The following SNX14 variants were observed in gnomAD, a reference collection of about 807,000 sequenced individuals.
The protein encoded by SNX14 is sorting nexin-14.
Under a neutral mutation model 133.8 loss-of-function variants are expected in SNX14, and 93 were observed. That is an observed-to-expected ratio of 0.70 (90% confidence interval 0.59 to 0.83). The LOEUF is 0.83. SNX14 is among the 40% of genes least tolerant of loss of function. SNX14 has a pLI of 0.00. For missense variants in SNX14, 945 were observed against 1,094.9 expected (o/e 0.86, Z 1.93); for synonymous variants, 368 against 365.6 (o/e 1.01, Z -0.07).
Position 85,505,829 on chromosome 6 carries a change from T to A in SNX14, c.*138A>T. On this transcript the variant is annotated 3_prime_UTR_variant, in exon 29 of 29. Transcript: ENST00000314673. ...TTAATCATTAAGTTTGTGTTAGTCTTTATTAAAAACAAAAAATAACTAAAA... is the reference window on the plus strand; with the variant it reads ...TTAATCATTAAGTTTGTGTTAGTCTATATTAAAAACAAAAAATAACTAAAA... 3.1e-6 allele frequency: 2 copies of A among 644,154 alleles called. No homozygotes were observed. Among genetic ancestry groups the A allele is most frequent in the Non-Finnish European group, 5.4e-6 (2 of 368,792 alleles). 39.9% of individuals were successfully genotyped at this position (644,154 alleles called of 1,614,324 possible). A position where few individuals can be genotyped will look rare whatever the true frequency, so the allele number is the denominator to read the frequency against.
At chr6:85,531,482 C>G (rs1005732456) in intron 18 of SNX14, among the ~76,000 whole-genome samples, 2 of 152,188 alleles carry the variant, frequency 1.3e-5, no homozygotes, top group Non-Finnish European at 2.9e-5. Context: ...AACAACACTT[C>G]TTTCTATTTA....
intron 28 of SNX14, among the ~76,000 whole-genome samples, chr6:85,506,224 A>T (rs1052868527): frequency 2.6e-5 from 4 of 152,196 alleles, no homozygotes; most frequent in African/African-American, 9.7e-5. Context: ...ACAGAGCTAA[A>T]GGTTTCCTGT....
chr6:85,508,517 G>T, intron 26 of SNX14: 1 of 349,214 alleles, frequency 2.9e-6, no homozygotes, highest in Non-Finnish European at 4.0e-6. Context: ...GCAGAAGATA[G>T]CTTCTACTTT....
In SNX14 at chr6:85,558,019, TG is replaced by T; in HGVS notation, c.590del (p.Ala197GlufsTer3). On this transcript the variant is annotated frameshift_variant, in exon 7 of 29. Coordinates refer to ENST00000314673, the MANE Select transcript of SNX14 (RefSeq NM_153816.6). LOFTEE classifies it high-confidence loss of function. Reference protein sequence around the residue: ...PSIITKKLLKAAMKHIEVIVK... With the variant: ...PSIITKKLLKXAMKHIEVIVK... Reference sequence around the variant, plus strand: ...CTATCACTTCTATATGCTTCATTGCTGCTTTTAATAGTTTCTTGGTTATAAT... The same window carrying T: ...CTATCACTTCTATATGCTTCATTGCTCTTTTAATAGTTTCTTGGTTATAAT... 1 of 1,594,964 alleles carries T rather than the reference TG, an allele frequency of 6.3e-7. No individual in the cohort carries two copies.
Position 85,543,588 on chromosome 6 carries a change from T to C in SNX14, c.1264+17A>G. The stretch of plus-strand genomic sequence containing the variant: ...GTAAGAGTGCTAAATAAGTCATTCT[T>C]ATCGTCTTTGACTTACTTCTTTGAA... On this transcript the variant is annotated intron_variant, in intron 13 of 28. Transcript: ENST00000314673. The C allele has an allele frequency of 1.3e-6, 2 of 1,552,154 alleles. No homozygotes were observed. The highest frequency in any genetic ancestry group is 1.7e-6 in the Non-Finnish European group (2 of 1,143,746).
chr6:85,586,355 A>G (rs921919787), intron 1 of SNX14, among the ~76,000 whole-genome samples: 5 of 152,264 alleles, frequency 3.3e-5, no homozygotes, highest in African/African-American at 1.2e-4. Context: ...AACACTTTAC[A>G]GAAAAAAATG....
chr6:85,586,310 A>G (rs117278734), intron 1 of SNX14, among the ~76,000 whole-genome samples: 2 of 152,242 alleles, frequency 1.3e-5, no homozygotes, highest in Non-Finnish European at 2.9e-5. Flanking sequence ...ACAGAGACTT[A>G]GCATGGTATA....
At chr6:85,510,769 A>G (rs747536662) in intron 26 of SNX14, among the ~76,000 whole-genome samples, 4 of 152,164 alleles carry the variant, frequency 2.6e-5, no homozygotes, top group Non-Finnish European at 4.4e-5. Flanking sequence ...CTTTGCTAAT[A>G]AGAACAGTTG....
In SNX14 at chr6:85,526,470, C is replaced by A. The variant is rs9344533; in HGVS notation, c.1996-233G>T. On this transcript the variant is annotated intron_variant, in intron 20 of 28. Coordinates refer to ENST00000314673, the MANE Select transcript of SNX14 (RefSeq NM_153816.6). ...GGCTCTTCCACATGCTAGCTAAGTG[C>A]CACTAGAAAAGTTCCTAAATTGCCC... Among the ~76,000 whole-genome samples the A allele has an allele frequency of 0.6, 91,213 of 151,922 alleles. 27,653 individuals carry two copies. Among genetic ancestry groups the A allele is most frequent in the Admixed American group, 0.68 (10,382 of 15,274 alleles).
rs976123428 is a variant in SNX14 at position 85,593,452 on chromosome 6, G to T, written c.140+127C>A. On this transcript the variant is annotated intron_variant, in intron 1 of 28. Transcript: ENST00000314673. ...GTGCTCCCCGAGGCCGCTCCTCTGC[G>T]GAGCTCGCTCTCCCCACTGGTCCCC... 5 of 1,384,292 alleles carry T rather than the reference G, an allele frequency of 3.6e-6. No individual in the cohort carries two copies. In the African/African-American group the frequency reaches 7.4e-5, roughly 21 times the overall value. The allele number at this position is 1,384,292 out of a possible 1,614,324, so 85.8% of individuals were successfully genotyped here.
intron 15 of SNX14, among the ~76,000 whole-genome samples, chr6:85,539,810 T>C (rs999884375): frequency 5.9e-5 from 9 of 152,124 alleles, no homozygotes; most frequent in Middle Eastern, 6.8e-3. Context: ...GTCTTTTTTA[T>C]ATTTTAAAGC....
chr6:85,513,390 A>C (rs1482609473), intron 26 of SNX14, among the ~76,000 whole-genome samples: 1 of 152,160 alleles, frequency 6.6e-6, no homozygotes, highest in Non-Finnish European at 1.5e-5. Context: ...CATTTTTTAT[A>C]TGCCTTGCAT....
chr6:85,580,100 A>G (rs546389003), intron 1 of SNX14, among the ~76,000 whole-genome samples: 2 of 152,158 alleles, frequency 1.3e-5, no homozygotes, highest in Admixed American at 6.5e-5. Context: ...GCTTGAGGAG[A>G]GGAGAGGGGA....
intron 2 of SNX14, 74 bp downstream of exon 2, chr6:85,574,184 T>C (rs1180935212): frequency 1.7e-6 from 2 of 1,185,410 alleles, no homozygotes; most frequent in Non-Finnish European, 2.2e-6. Flanking sequence ...TATACTGCTT[T>C]AGCAGGCTTT....
In SNX14 at chr6:85,579,136, T is replaced by TA. The variant is rs533156675; in HGVS notation, c.141-4759dup. On this transcript the variant is annotated intron_variant, in intron 1 of 28. Coordinates refer to ENST00000314673, the MANE Select transcript of SNX14 (RefSeq NM_153816.6). ...CTGGGTGACAGAATGGGACTCCGTC[T>TA]AAAAAAAAAAAGATTTCAGAGGTAA... Among the ~76,000 whole-genome samples the TA allele has an allele frequency of 5.7e-4, 82 of 143,806 alleles. 1 individual carries two copies. The highest frequency in any genetic ancestry group is 1.5e-3 in the African/African-American group (58 of 39,278). The allele number at this position is 143,806 out of a possible 152,430, so 94.3% of individuals were successfully genotyped here. A position where few individuals can be genotyped will look rare whatever the true frequency, so the allele number is the denominator to read the frequency against.
intron 23 of SNX14, among the ~76,000 whole-genome samples, chr6:85,517,299 T>C (rs947572142): frequency 1.3e-5 from 2 of 152,192 alleles, no homozygotes; most frequent in African/African-American, 2.4e-5. Context: ...CTAAACACCT[T>C]CTTGAGGACA....
At chr6:85,519,684 C>A (rs1776183701) in intron 21 of SNX14, among the ~76,000 whole-genome samples, 2 of 152,152 alleles carry the variant, frequency 1.3e-5, no homozygotes, top group South Asian at 4.2e-4. Context: ...GCCTGACCAA[C>A]ATGGTGAAAC....
intron 12 of SNX14, among the ~76,000 whole-genome samples, chr6:85,545,784 A>G (rs1447541576): frequency 6.6e-6 from 1 of 152,134 alleles, no homozygotes; most frequent in Non-Finnish European, 1.5e-5. Context: ...CTCAAGTTCA[A>G]ACAATTCTCC....
At chr6:85,515,131 G>A (rs1774377323) in intron 23 of SNX14, among the ~76,000 whole-genome samples, 1 of 151,884 alleles carries the variant, frequency 6.6e-6, no homozygotes, top group Admixed American at 6.6e-5. Flanking sequence ...GCCAGGTGTA[G>A]TGATGCGTGC....
Sources: gnomAD v4.1 joint callset for allele counts (sites outside exome capture counted in the v4.1 genomes callset) on GRCh38, gnomAD v4.1.1 for gene constraint, MANE v1.5 for transcripts, NCBI Gene and HGNC (gene_info 2026-07-23, HGNC 2026-07-21) for gene names.